RAD51B: variants seen among roughly 807,000 people sequenced by gnomAD.
RAD51B encodes RAD51 paralog B.
In RAD51B, 38 loss-of-function variants were observed where a neutral mutation model predicts 42.2. The ratio of observed to expected loss-of-function variants is 0.90; its 90% CI spans 0.70 to 1.18. The LOEUF is 1.18. Ranked by LOEUF, RAD51B falls within the 50% of genes most tolerant of loss-of-function variation. The pLI, the probability that RAD51B is intolerant of heterozygous loss-of-function variation, is 0.00. For synonymous variants in RAD51B, 154 were observed against 145.2 expected (o/e 1.06, Z -0.43); for missense variants, 373 against 400.7 (o/e 0.93, Z 0.59).
intron 7 of RAD51B, among the ~76,000 whole-genome samples, chr14:68,134,934 A>G (rs1326376023): frequency 6.6e-6 from 1 of 152,110 alleles, no homozygotes; most frequent in Non-Finnish European, 1.5e-5. Flanking sequence ...CATTTTGATG[A>G]AGATGATTTT....
intron 10 of RAD51B, among the ~76,000 whole-genome samples, chr14:68,490,837 G>A (rs1402427882): frequency 6.6e-6 from 1 of 152,166 alleles, no homozygotes; most frequent in Non-Finnish European, 1.5e-5. Flanking sequence ...GGACAGCAGA[G>A]AGAAAGATGG....
intron 8 of RAD51B, among the ~76,000 whole-genome samples, chr14:68,352,845 C>G (rs1314103572): frequency 6.6e-6 from 1 of 152,082 alleles, no homozygotes; most frequent in Admixed American, 6.5e-5. Flanking sequence ...TTCTGAGGAC[C>G]CCAAGAATTG....
intron 7 of RAD51B, among the ~76,000 whole-genome samples, chr14:67,890,693 C>G (rs909541672): frequency 4.7e-5 from 7 of 147,874 alleles, no homozygotes; most frequent in Non-Finnish European, 7.4e-5. Context: ...TTTCCAGGAC[C>G]TAGCACTGTG....
chr14:68,524,688 A>G (rs1231892109), intron 10 of RAD51B, among the ~76,000 whole-genome samples: 2 of 152,220 alleles, frequency 1.3e-5, no homozygotes, highest in African/African-American at 4.8e-5. Context: ...GCCTGTGTCA[A>G]TGATTTGACC....
At chr14:68,143,120 C>T (rs2078168784) in intron 7 of RAD51B, among the ~76,000 whole-genome samples, 1 of 152,154 alleles carries the variant, frequency 6.6e-6, no homozygotes, top group Non-Finnish European at 1.5e-5. Context: ...GAGCTGGGTA[C>T]TTGTCCCAAC....
chr14:68,282,043 G>A (rs2331665), intron 7 of RAD51B, among the ~76,000 whole-genome samples: 1,535 of 151,366 alleles, frequency 0.01, 29 homozygotes, highest in East Asian at 0.057. Context: ...GTGCAATGGC[G>A]TGACCTTAGC....
At chr14:68,587,617 TC>T (rs947910960) in intron 10 of RAD51B, among the ~76,000 whole-genome samples, 1 of 147,218 alleles carries the variant, frequency 6.8e-6, no homozygotes, top group Non-Finnish European at 1.5e-5. Context: ...AGCACATCCA[TC>T]CCCCCCGAGA....
chr14:68,163,891 ATATT>A (rs1371483081), intron 7 of RAD51B, among the ~76,000 whole-genome samples: 1 of 152,202 alleles, frequency 6.6e-6, no homozygotes, highest in Non-Finnish European at 1.5e-5. Flanking sequence ...AAGGACAGTA[ATATT>A]TATTTATGAA....
rs552296312 is a variant in RAD51B, at chr14:68,476,346, G to GAATGCTGATTAGTTCCATCACT, written c.1037-1288_1037-1267dup. The stretch of plus-strand genomic sequence containing the variant: ...TGAGGATAGATTCAGGGACACTGGG[G>GAATGCTGATTAGTTCCATCACT]AATGCTGATTAGTTCCATCACTAAT... On this transcript the variant is annotated intron_variant, in intron 10 of 10. Coordinates refer to ENST00000471583, the MANE Select transcript of RAD51B (RefSeq NM_133510.4). Among the ~76,000 whole-genome samples the GAATGCTGATTAGTTCCATCACT allele has an allele frequency of 5.6e-3, 855 of 152,270 alleles. 6 individuals are homozygous for GAATGCTGATTAGTTCCATCACT. The highest frequency in any genetic ancestry group is 0.018 in the African/African-American group (740 of 41,528).
At chr14:67,922,136 G>A (rs1016755647) in intron 7 of RAD51B, among the ~76,000 whole-genome samples, 4 of 152,178 alleles carry the variant, frequency 2.6e-5, no homozygotes, top group African/African-American at 7.2e-5. Flanking sequence ...TTATTTTGAA[G>A]TGCCAACTTA....
chr14:68,292,214 T>G (rs2081531463), intron 8 of RAD51B, among the ~76,000 whole-genome samples: 1 of 152,220 alleles, frequency 6.6e-6, no homozygotes, highest in African/African-American at 2.4e-5. Flanking sequence ...CACTCCTCTG[T>G]GTGTTATTTC....
chr14:67,953,336 A>G (rs2074488531), intron 7 of RAD51B, among the ~76,000 whole-genome samples: 1 of 152,118 alleles, frequency 6.6e-6, no homozygotes, highest in East Asian at 1.9e-4. Context: ...TGTAGGGGAT[A>G]TTTGGGAACA....
At chr14:68,451,791 A>G (rs1286274869) in intron 9 of RAD51B, among the ~76,000 whole-genome samples, 1 of 152,202 alleles carries the variant, frequency 6.6e-6, no homozygotes, top group African/African-American at 2.4e-5. Flanking sequence ...AACCAGTCCC[A>G]TTTGACCAGC....
At chr14:68,236,903 C>T (rs2080270384) in intron 7 of RAD51B, among the ~76,000 whole-genome samples, 1 of 152,150 alleles carries the variant, frequency 6.6e-6, no homozygotes, top group Non-Finnish European at 1.5e-5. Context: ...TTGTATGCAG[C>T]CCCTTAACTA....
At chr14:68,583,128 A>G (rs567306945) in intron 10 of RAD51B, among the ~76,000 whole-genome samples, 1 of 152,322 alleles carries the variant, frequency 6.6e-6, no homozygotes, top group Non-Finnish European at 1.5e-5. Context: ...CTGCACATGT[A>G]TCCCAGAACT....
At chr14:67,996,791 G>A (rs2075393060) in intron 7 of RAD51B, among the ~76,000 whole-genome samples, 1 of 152,200 alleles carries the variant, frequency 6.6e-6, no homozygotes, top group South Asian at 2.1e-4. Context: ...TAGGTTGTAT[G>A]AGCAAGGGAT....
At chr14:68,225,791 T>C (rs1177850308) in intron 7 of RAD51B, among the ~76,000 whole-genome samples, 1 of 152,186 alleles carries the variant, frequency 6.6e-6, no homozygotes, top group Non-Finnish European at 1.5e-5. Context: ...CAGTGACCAG[T>C]GTTTTCTGCC....
chr14:68,211,670 C>G (rs1466468189), intron 7 of RAD51B, among the ~76,000 whole-genome samples: 1 of 152,118 alleles, frequency 6.6e-6, no homozygotes, highest in Non-Finnish European at 1.5e-5. Flanking sequence ...TGTGGAAAGT[C>G]ACCTAAGGAA....
chr14:67,979,117 A>G (rs879273457), intron 7 of RAD51B, among the ~76,000 whole-genome samples: 8 of 152,202 alleles, frequency 5.3e-5, no homozygotes, highest in Non-Finnish European at 1.0e-4. Context: ...AGATTTGGCA[A>G]TGGGAGCCCC....
Sources: allele counts gnomAD v4.1 joint callset (sites outside exome capture counted in the v4.1 genomes callset), GRCh38; gene constraint gnomAD v4.1.1; transcripts MANE v1.5; gene names NCBI Gene and HGNC (gene_info 2026-07-23, HGNC 2026-07-21).